STK3: variants seen among roughly 807,000 people sequenced by gnomAD.
STK3 encodes the protein serine/threonine kinase 3, also known as serine/threonine-protein kinase 3.
STK3 carries 41 observed loss-of-function variants against 58.0 expected under a neutral mutation model. That is an observed-to-expected ratio of 0.71 (90% confidence interval 0.55 to 0.92). The LOEUF (loss-of-function observed/expected upper bound fraction) is 0.92. Among genes scored for constraint, STK3 ranks in the 40% least tolerant of loss-of-function variants. The pLI is 0.00. For synonymous variants in STK3, 170 were observed against 191.0 expected (o/e 0.89, Z 0.91); for missense variants, 479 against 602.7 (o/e 0.79, Z 2.15).
chr8:98,620,308 G>C (rs1818163587), intron 6 of STK3, among the ~76,000 whole-genome samples: 1 of 118,860 alleles, frequency 8.4e-6, no homozygotes, highest in Non-Finnish European at 1.7e-5. Flanking sequence ...ACACTCTGGG[G>C]ACTGTGGTGG....
intron 8 of STK3, among the ~76,000 whole-genome samples, chr8:98,569,948 CA>C (rs1812829270): frequency 6.7e-6 from 1 of 148,200 alleles, no homozygotes; most frequent in African/African-American, 2.5e-5. Context: ...TATATTTATA[CA>C]CATTTTCAAA....
At chr8:98,589,660 A>T (rs1815077602) in intron 7 of STK3, among the ~76,000 whole-genome samples, 1 of 152,194 alleles carries the variant, frequency 6.6e-6, no homozygotes, top group South Asian at 2.1e-4. Context: ...TGTCTACTTA[A>T]GCAAGCCTGG....
At chr8:98,936,269 A>G (rs1840193068) in intron 1 of STK3, among the ~76,000 whole-genome samples, 1 of 152,162 alleles carries the variant, frequency 6.6e-6, no homozygotes, top group Non-Finnish European at 1.5e-5. Context: ...AGATTCAGAC[A>G]CAGAGGGTTC....
At chr8:98,538,006 T>C (rs1809918063) in intron 9 of STK3, among the ~76,000 whole-genome samples, 1 of 152,120 alleles carries the variant, frequency 6.6e-6, no homozygotes, top group Admixed American at 6.5e-5. Context: ...AATTTAAATA[T>C]ATAAAGTAAT....
chr8:98,442,774 T>C (rs1818744062), intron 1 of STK3, among the ~76,000 whole-genome samples: 1 of 152,236 alleles, frequency 6.6e-6, no homozygotes, highest in Admixed American at 6.5e-5. Flanking sequence ...AGATATATTA[T>C]TGCATTTACT....
At chr8:98,710,656 G>A (rs780494514) in intron 4 of STK3, among the ~76,000 whole-genome samples, 1 of 152,230 alleles carries the variant, frequency 6.6e-6, no homozygotes, top group Non-Finnish European at 1.5e-5. Flanking sequence ...GCTCAAACTG[G>A]GTGCAGCCCA....
At chr8:98,757,591 T>A in intron 3 of STK3, among the ~76,000 whole-genome samples, 2 of 132,672 alleles carry the variant, frequency 1.5e-5, no homozygotes, top group Admixed American at 7.8e-5. Flanking sequence ...CGAGACTCCA[T>A]CTCAAAGAAA....
At chr8:98,936,312 G>C (rs1403028087) in intron 1 of STK3, among the ~76,000 whole-genome samples, 1 of 152,020 alleles carries the variant, frequency 6.6e-6, no homozygotes, top group African/African-American at 2.4e-5. Context: ...ACATAATAGA[G>C]CTATTAACTA....
chr8:98,585,292 C>A (rs148945629), intron 7 of STK3, among the ~76,000 whole-genome samples: 4,523 of 152,296 alleles, frequency 0.03, 97 homozygotes, highest in South Asian at 0.061. Flanking sequence ...AGGAAGGGAT[C>A]CAGTTTCAGC....
chr8:98,935,891 T>C (rs540272684), intron 1 of STK3, among the ~76,000 whole-genome samples: 5 of 151,926 alleles, frequency 3.3e-5, no homozygotes, highest in Non-Finnish European at 5.9e-5. Context: ...TGGATCCATG[T>C]TATTTATTTA....
chr8:98,371,071 G>A (rs751571029), downstream of STK3, among the ~76,000 whole-genome samples: 3 of 152,190 alleles, frequency 2.0e-5, no homozygotes, highest in Non-Finnish European at 4.4e-5. Context: ...AGGTCCCAGA[G>A]GAGCACCCAG....
At chr8:98,662,981 C>G (rs983754721) in intron 6 of STK3, among the ~76,000 whole-genome samples, 10 of 151,934 alleles carry the variant, frequency 6.6e-5, no homozygotes, top group Admixed American at 3.9e-4. Context: ...AAGGACTTCA[C>G]GTCTAAAACA....
At chr8:98,415,392 T>C (rs1404284526) in intron 3 of STK3, among the ~76,000 whole-genome samples, 1 of 152,254 alleles carries the variant, frequency 6.6e-6, no homozygotes, top group East Asian at 1.9e-4. Context: ...TTGTTGATGA[T>C]AGTAGTCGGC....
chr8:98,687,358 C>T, intron 6 of STK3, among the ~76,000 whole-genome samples: 1 of 152,216 alleles, frequency 6.6e-6, no homozygotes, highest in East Asian at 1.9e-4. Context: ...CAACCTAGAT[C>T]CCTTGCACGT....
At chr8:98,654,182 C>T (rs1425679995) in intron 6 of STK3, among the ~76,000 whole-genome samples, 3 of 152,132 alleles carry the variant, frequency 2.0e-5, no homozygotes, top group African/African-American at 7.2e-5. Flanking sequence ...GTTCGATATA[C>T]AGAAATCAAT....
At chr8:98,745,209 C>T (rs959774589) in intron 4 of STK3, among the ~76,000 whole-genome samples, 11 of 152,160 alleles carry the variant, frequency 7.2e-5, no homozygotes, top group Admixed American at 2.6e-4. Flanking sequence ...AGGATATTTT[C>T]GGGAGGGTGG....
intron 1 of STK3, among the ~76,000 whole-genome samples, chr8:98,792,387 T>G (rs1023449294): frequency 6.6e-6 from 1 of 152,164 alleles, no homozygotes; most frequent in African/African-American, 2.4e-5. Flanking sequence ...GAAAACAGTG[T>G]GGAGATTCCT....
intron 6 of STK3, among the ~76,000 whole-genome samples, chr8:98,601,935 AG>A (rs1816386569): frequency 6.6e-6 from 1 of 151,348 alleles, no homozygotes; most frequent in Admixed American, 6.6e-5. Flanking sequence ...TGTAGAACTT[AG>A]TATCAGCCAT....
chr8:98,697,239 C>T lies in STK3; in HGVS notation c.684+9228G>A, dbSNP rs561412245. Among the ~76,000 whole-genome samples the T allele has an allele frequency of 5.9e-5, 9 of 152,082 alleles. No homozygotes were observed. In the South Asian group the frequency reaches 1.7e-3, roughly 28 times the overall value. ...CATTTTTTATTGTGTCTATTTGATT[C>T]TTCTCTCTTTTCTTCTTTATTAGTC... On this transcript the variant is annotated intron_variant, in intron 6 of 10. Coordinates refer to ENST00000419617, the MANE Select transcript of STK3 (RefSeq NM_006281.4).
Sources: allele counts gnomAD v4.1 joint callset (sites outside exome capture counted in the v4.1 genomes callset), GRCh38; gene constraint gnomAD v4.1.1; transcripts MANE v1.5; gene names NCBI Gene and HGNC (gene_info 2026-07-23, HGNC 2026-07-21).